The following MACF1 variants were observed in gnomAD, a reference collection of about 807,000 sequenced individuals.
MACF1 encodes microtubule-actin cross-linking factor 1.
In MACF1, 193 loss-of-function variants were observed where a neutral mutation model predicts 854.8. The ratio of observed to expected loss-of-function variants is 0.23; its 90% CI spans 0.20 to 0.25. The LOEUF (loss-of-function observed/expected upper bound fraction) is 0.25, where lower values mean the gene tolerates loss of function less well. Among genes scored for constraint, MACF1 ranks in the 10% least tolerant of loss-of-function variants. The probability of loss-of-function intolerance (pLI) is 1.00; values close to 1 mark genes in which losing one functional copy is unlikely to be tolerated. For missense variants in MACF1, 7,722 were observed against 8,929.1 expected, an observed-to-expected ratio of 0.86 and a Z score of 5.45; for synonymous variants, 3,185 against 3,226.7, an observed-to-expected ratio of 0.99 and a Z score of 0.44.
At chr1:39,299,404 T>C (rs967729456) in intron 21 of MACF1, 3 of 372,160 alleles carry the variant, frequency 8.1e-6, no homozygotes, top group African/African-American at 4.3e-5. Context: ...TACCTCAAAA[T>C]GGGCTTGAAA....
At chr1:39,312,370 C>T (rs1646318288) in intron 26 of MACF1, among the ~76,000 whole-genome samples, 1 of 152,162 alleles carries the variant, frequency 6.6e-6, no homozygotes, top group Admixed American at 6.5e-5. Flanking sequence ...TTTGCTTTAT[C>T]ATTTTATTCT....
Position 39,447,822 on chromosome 1 carries a change from C to G in MACF1, c.19892C>G (p.Ser6631Cys). Reference sequence around the variant, plus strand: ...AAGAATTTGTTGGTGAGCGTGCAGTCTCGATGGGAGAAGGTTGTCCAGCGA... The same window carrying G: ...AAGAATTTGTTGGTGAGCGTGCAGTGTCGATGGGAGAAGGTTGTCCAGCGA... Reference protein sequence around the residue: ...LIKNLLVSVQSRWEKVVQRSI... With the variant: ...LIKNLLVSVQCRWEKVVQRSI... The change falls in exon 82 of 101, where the codon TCT becomes TGT. Residue 6631 changes from serine (S) to cysteine (C), a missense_variant. This residue lies in a region of MACF1 where 729 missense variants were observed against 900.5 expected (regional missense o/e 0.81). Transcript: ENST00000564288. 1 of 1,613,454 alleles carries G rather than the reference C, an allele frequency of 6.2e-7. No individual in the cohort carries two copies.
rs761049669 is a variant in MACF1, at chr1:39,335,896, C to T, written c.9308C>T (p.Pro3103Leu). 4 of 1,614,082 alleles carry T rather than the reference C, an allele frequency of 2.5e-6. No homozygotes were observed. Among genetic ancestry groups the T allele is most frequent in the Non-Finnish European group, 1.7e-6 (2 of 1,179,994 alleles). Residue 3103 changes from proline to leucine, a missense_variant, in exon 37 of 101, where the codon CCT (proline) becomes CTT (leucine). Coordinates refer to ENST00000564288, the MANE Select transcript of MACF1 (RefSeq NM_001394062.1). ...TGTGGGGCCCAGAGTGAACCATTCCCTTGTATGACCCCAAGACCTGAAGGA... is the reference window on the plus strand; with the variant it reads ...TGTGGGGCCCAGAGTGAACCATTCCTTTGTATGACCCCAAGACCTGAAGGA... ...IACGAQSEPF[P>L]CMTPRPEGLH...
chr1:39,384,472 T>A (rs1650515456), intron 56 of MACF1, among the ~76,000 whole-genome samples: 1 of 152,122 alleles, frequency 6.6e-6, no homozygotes, highest in Non-Finnish European at 1.5e-5. Context: ...AAGCTGGGGT[T>A]TGAGAACTTA....
intron 2 of MACF1, among the ~76,000 whole-genome samples, chr1:39,232,080 T>C (rs1433993836): frequency 1.3e-5 from 2 of 148,814 alleles, no homozygotes; most frequent in African/African-American, 4.9e-5. Context: ...ATGTTAAGAC[T>C]CACCTAAAGA....
In MACF1 at chr1:39,357,400, A is replaced by G; in HGVS notation, c.11450A>G (p.Gln3817Arg). ...GCCCGTCACCAAGAATTGCTGTCCC[A>G]GCAGCAAAATTTCATTCTGGCCACC... ...MKARHQELLS[Q>R]QQNFILATQS... is the part of the protein sequence containing the mutation. Residue 3817 changes from glutamine (Q) to arginine (R), a missense_variant, in exon 45 of 101, where the codon CAG becomes CGG. This residue lies in a region of MACF1 where 2,807 missense variants were observed against 3,235.8 expected (regional missense o/e 0.87). Coordinates refer to ENST00000564288, the MANE Select transcript of MACF1 (RefSeq NM_001394062.1). 6.2e-7 allele frequency: 1 copy of G among 1,613,172 alleles called. No individual in the cohort carries two copies. The highest frequency in any genetic ancestry group is 1.1e-5 in the South Asian group (1 of 90,856).
At chr1:39,226,981 C>A (rs1242934384) in intron 1 of MACF1, among the ~76,000 whole-genome samples, 1 of 152,186 alleles carries the variant, frequency 6.6e-6, no homozygotes, top group African/African-American at 2.4e-5. Context: ...ATGTAATGGA[C>A]ACAACTTTAG....
At chr1:39,478,441 C>A (rs1217673858) in intron 97 of MACF1, among the ~76,000 whole-genome samples, 1 of 152,198 alleles carries the variant, frequency 6.6e-6, no homozygotes, top group African/African-American at 2.4e-5. Flanking sequence ...CTGATCGCCT[C>A]TGGTGAGCCT....
rs750912201 is a variant in MACF1 at position 39,334,651 on chromosome 1, C to T, written c.8063C>T (p.Ala2688Val). ...ACGCTGAAGGTTCTAGAAGCCCAGG[C>T]AAATACTGGTGGAATCATAGATACT... is the stretch of plus-strand genomic sequence containing the variant. ...ASTLKVLEAQ[A>V]NTGGIIDTAT... Residue 2688 changes from alanine to valine, a missense_variant, in exon 37 of 101, where the codon GCA (alanine) becomes GTA (valine). By Grantham distance (64) the Ala-to-Val change is moderately conservative. Around this residue, in one of 15 missense-constraint regions of MACF1, gnomAD observed 1,531 missense variants for 1,601.6 expected, o/e 0.96. Transcript: ENST00000564288. 8.1e-6 allele frequency: 13 copies of T among 1,613,878 alleles called. No homozygotes were observed. In the Admixed American group the frequency reaches 8.3e-5, roughly 10 times the overall value.
chr1:39,192,117 C>T (rs184377134), intron 2 of MACF1, among the ~76,000 whole-genome samples: 1 of 152,114 alleles, frequency 6.6e-6, no homozygotes, highest in Admixed American at 6.6e-5. Flanking sequence ...CACCACTGCA[C>T]TCCAGCCTGG....
chr1:39,387,540 G>A lies in MACF1; in HGVS notation c.14698G>A (p.Asp4900Asn), dbSNP rs144861088. The A allele has an allele frequency of 8.9e-5, 144 of 1,614,018 alleles. No individual in the cohort carries two copies. The highest frequency in any genetic ancestry group is 1.1e-4 in the Non-Finnish European group (135 of 1,180,034). ...KTADRQSRLK[D>N]CMQKAQKYQW... ...TGCAGACAGACAATCCAGGCTCAAG[G>A]ATTGTATGCAGAAAGCTCAGAAATA... The change falls in exon 58 of 101, where the codon GAT becomes AAT. Residue 4900 changes from aspartate (D) to asparagine (N), a missense_variant. By Grantham distance (23) the Asp-to-Asn change is conservative. Around this residue, in one of 15 missense-constraint regions of MACF1, gnomAD observed 2,807 missense variants for 3,235.8 expected, o/e 0.87. Transcript: ENST00000564288.
rs768764219 is a variant in MACF1, at chr1:39,388,487, G to A, written c.15645G>A (p.Arg5215=). The stretch of plus-strand genomic sequence containing the variant: ...AACAGTGTGGCAAACTGACAGAGAG[G>A]GGGAAAGCTCGTCAGGAACAGCTGG... ...LNKQCGKLTE[R]GKARQEQLEL... The change falls in exon 58 of 101, where the codon AGG becomes AGA. Residue 5215 remains arginine (R), a synonymous_variant. Coordinates refer to ENST00000564288, the MANE Select transcript of MACF1 (RefSeq NM_001394062.1). The A allele has an allele frequency of 3.7e-6, 6 of 1,614,082 alleles. No homozygotes were observed. The South Asian group carries it at 5.5e-5, about 15-fold the overall frequency.
chr1:39,263,670 A>C (rs756702295), intron 6 of MACF1, among the ~76,000 whole-genome samples: 1 of 151,414 alleles, frequency 6.6e-6, no homozygotes, highest in African/African-American at 2.4e-5. Context: ...TTTACAGCAG[A>C]TGATCTATTC....
chr1:39,324,814 C>T, intron 35 of MACF1, 80 bp downstream of exon 35: 1 of 1,089,556 alleles, frequency 9.2e-7, no homozygotes, highest in Non-Finnish European at 1.4e-6. Context: ...AATGAGATTT[C>T]AGAATGGAGA....
chr1:39,440,111 C>CTTTTTT lies in MACF1; in HGVS notation c.18447+624_18447+629dup, dbSNP rs774399403. 7.4e-3 allele frequency among the ~76,000 whole-genome samples: 474 copies of CTTTTTT among 64,318 alleles called. 12 individuals carry two copies. Among genetic ancestry groups the CTTTTTT allele is most frequent in the African/African-American group, 0.016 (239 of 14,798 alleles). 42.2% of individuals were successfully genotyped at this position (64,318 alleles called of 152,430 possible). On this transcript the variant is annotated intron_variant, in intron 72 of 100. Coordinates refer to ENST00000564288, the MANE Select transcript of MACF1 (RefSeq NM_001394062.1). ...CTTTTCTTTTCTTTTCTTTTCTTTT[C>CTTTTTT]TTTTTTTTTTTTTTTTTTGGAGACA...
At position 39,443,697 on chromosome 1, in the gene MACF1, T is replaced by C. The variant is rs143997712; in HGVS notation, c.19431+123T>C. 4,012 of 1,084,304 alleles carry C rather than the reference T, an allele frequency of 3.7e-3. 12 individuals are homozygous for C. Among genetic ancestry groups the C allele is most frequent in the Non-Finnish European group, 4.4e-3 (3,435 of 776,912 alleles). 67.2% of individuals were successfully genotyped at this position (1,084,304 alleles called of 1,614,324 possible). On this transcript the variant is annotated intron_variant, in intron 79 of 100. Coordinates refer to ENST00000564288, the MANE Select transcript of MACF1 (RefSeq NM_001394062.1). ...AAGTAGTGCATTTTTATCAAACATA[T>C]AGTATAACCTTTGGGGATTGCTGCC...
intron 22 of MACF1, among the ~76,000 whole-genome samples, chr1:39,302,018 C>G (rs961629086): frequency 1.4e-4 from 19 of 139,402 alleles, no homozygotes; most frequent in African/African-American, 5.4e-4. Flanking sequence ...TGTTTTGTGA[C>G]AGGGTCTGAC....
intron 2 of MACF1, among the ~76,000 whole-genome samples, chr1:39,126,157 A>G (rs543101601): frequency 6.6e-6 from 1 of 152,346 alleles, no homozygotes; most frequent in South Asian, 2.1e-4. Context: ...ATTGTCTTAC[A>G]GTTCTGGAGG....
Position 39,430,751 on chromosome 1 carries a change from A to T in MACF1, c.17180A>T (p.Asn5727Ile), listed in dbSNP as rs369551970. Residue 5727 changes from asparagine (N) to isoleucine (I), a missense_variant, in exon 66 of 101, where the codon AAT (asparagine) becomes ATT (isoleucine). Coordinates refer to ENST00000564288, the MANE Select transcript of MACF1 (RefSeq NM_001394062.1). ...MEHRLVLDTV[N>I]EVSRALLELV... Reference sequence around the variant, plus strand: ...CACAGGCTGGTGTTGGACACAGTGAATGAGGTGAGCCGTGCTCTCTTAGAG... The same window carrying T: ...CACAGGCTGGTGTTGGACACAGTGATTGAGGTGAGCCGTGCTCTCTTAGAG... The T allele has an allele frequency of 1.9e-6, 3 of 1,612,106 alleles. No homozygotes were observed. The highest frequency in any genetic ancestry group is 2.5e-6 in the Non-Finnish European group (3 of 1,179,980).
Sources: gnomAD v4.1 joint callset for allele counts (sites outside exome capture counted in the v4.1 genomes callset) on GRCh38, gnomAD v4.1.1 for gene constraint, gnomAD v4.1.1 regional missense constraint, MANE v1.5 for transcripts, NCBI Gene and HGNC (gene_info 2026-07-23, HGNC 2026-07-21) for gene names.